The following GPD1L variants were observed in gnomAD, a reference collection of about 807,000 sequenced individuals.
GPD1L encodes glycerol-3-phosphate dehydrogenase 1 like, also known as glycerol-3-phosphate dehydrogenase 1-like protein.
Under a neutral mutation model 32.9 loss-of-function variants are expected in GPD1L, and 17 were observed. The ratio of observed to expected loss-of-function variants is 0.52; its 90% CI spans 0.35 to 0.78. GPD1L has a LOEUF of 0.78. Among genes scored for constraint, GPD1L ranks in the 30% least tolerant of loss-of-function variants. GPD1L has a pLI of 0.01. For synonymous variants in GPD1L, 187 were observed against 165.9 expected, an observed-to-expected ratio of 1.13 and a Z score of -0.98; for missense variants, 361 against 447.8, an observed-to-expected ratio of 0.81 and a Z score of 1.75.
chr3:32,165,564 C>A (rs1038202779), intron 7 of GPD1L, among the ~76,000 whole-genome samples: 2 of 152,174 alleles, frequency 1.3e-5, no homozygotes, highest in Admixed American at 6.5e-5. Context: ...GTAGGATCAC[C>A]GTGTGACTTG....
chr3:32,145,931 C>A (rs956037705), intron 4 of GPD1L, among the ~76,000 whole-genome samples: 1 of 152,100 alleles, frequency 6.6e-6, no homozygotes, highest in Non-Finnish European at 1.5e-5. Context: ...ACGAACCTCA[C>A]ATGCCCGTCA....
At chr3:32,120,044 G>A (rs1356300145) in intron 1 of GPD1L, among the ~76,000 whole-genome samples, 1 of 151,800 alleles carries the variant, frequency 6.6e-6, no homozygotes, top group Non-Finnish European at 1.5e-5. Flanking sequence ...GAGCCTGCCG[G>A]CCGGACACAG....
intron 4 of GPD1L, among the ~76,000 whole-genome samples, chr3:32,143,153 C>T (rs912936090): frequency 1.3e-5 from 2 of 151,646 alleles, no homozygotes; most frequent in African/African-American, 2.4e-5. Context: ...GCTATGATCA[C>T]GTCATTGCAC....
intron 2 of GPD1L, among the ~76,000 whole-genome samples, chr3:32,130,591 C>T (rs905443620): frequency 8.5e-5 from 13 of 152,184 alleles, no homozygotes; most frequent in African/African-American, 3.1e-4. Context: ...GTTACAGTGA[C>T]TTCACCATGT....
intron 2 of GPD1L, among the ~76,000 whole-genome samples, chr3:32,132,407 A>T (rs1700598466): frequency 6.6e-6 from 1 of 152,222 alleles, no homozygotes. Flanking sequence ...GTGGTATCAC[A>T]TGGGAAATAA....
chr3:32,133,178 G>A (rs972519524), intron 2 of GPD1L, among the ~76,000 whole-genome samples: 4 of 152,156 alleles, frequency 2.6e-5, no homozygotes, highest in African/African-American at 7.2e-5. Context: ...GTGCAGCCAC[G>A]GCAGCTGGAC....
chr3:32,108,323 C>T (rs1423800763), intron 1 of GPD1L, among the ~76,000 whole-genome samples: 5 of 152,116 alleles, frequency 3.3e-5, no homozygotes, highest in Non-Finnish European at 5.9e-5. Context: ...ATTGAGACCA[C>T]GGTGAAACCC....
chr3:32,151,269 GCTTAATATGCTCCATACAC>G, intron 5 of GPD1L: 1 of 588,212 alleles, frequency 1.7e-6, no homozygotes, highest in Admixed American at 2.2e-5. Flanking sequence ...TCAGCTCTTA[GCTTAATATGCTCCATACAC>G]CCATTAATTC....
intron 5 of GPD1L, among the ~76,000 whole-genome samples, chr3:32,154,467 T>C (rs531522421): frequency 6.6e-6 from 1 of 152,180 alleles, no homozygotes; most frequent in Non-Finnish European, 1.5e-5. Flanking sequence ...AAATCTTTCC[T>C]GTTGGGTGAG....
At chr3:32,150,507 T>C (rs993251040) in intron 5 of GPD1L, among the ~76,000 whole-genome samples, 1 of 151,686 alleles carries the variant, frequency 6.6e-6, no homozygotes, top group African/African-American at 2.4e-5. Flanking sequence ...ACTTTTTTTT[T>C]TTTTTGAGAC....
At chr3:32,118,322 A>G (rs1700358855) in intron 1 of GPD1L, among the ~76,000 whole-genome samples, 1 of 152,246 alleles carries the variant, frequency 6.6e-6, no homozygotes, top group Non-Finnish European at 1.5e-5. Flanking sequence ...GGATGTATTC[A>G]TGCAACAAAT....
intron 1 of GPD1L, among the ~76,000 whole-genome samples, chr3:32,127,254 C>G (rs945973970): frequency 6.6e-6 from 1 of 152,146 alleles, no homozygotes; most frequent in Non-Finnish European, 1.5e-5. Flanking sequence ...GCTCCTCACG[C>G]CAGGAAGGTC....
intron 1 of GPD1L, among the ~76,000 whole-genome samples, chr3:32,117,508 GA>G (rs1559569186): frequency 2.0e-5 from 3 of 152,114 alleles, no homozygotes; most frequent in African/African-American, 7.2e-5. Flanking sequence ...GACTCTGGTG[GA>G]TGTTTGGAAA....
chr3:32,127,741 C>T (rs1434003450), intron 1 of GPD1L, among the ~76,000 whole-genome samples: 1 of 152,184 alleles, frequency 6.6e-6, no homozygotes, highest in East Asian at 1.9e-4. Context: ...TCTCAATATC[C>T]TTTCAAGACC....
In GPD1L at chr3:32,115,758, C is replaced by CTTTTTTTTTTTTTTTT. The variant is rs539068850; in HGVS notation, c.47+9033_47+9048dup. Among the ~76,000 whole-genome samples, 47 of 45,086 alleles carry CTTTTTTTTTTTTTTTT rather than the reference C, an allele frequency of 1.0e-3. 20 individuals are homozygous for CTTTTTTTTTTTTTTTT. The highest frequency in any genetic ancestry group is 1.5e-3 in the Non-Finnish European group (30 of 20,538). 29.6% of individuals were successfully genotyped at this position (45,086 alleles called of 152,430 possible). A position where few individuals can be genotyped will look rare whatever the true frequency, so the allele number is the denominator to read the frequency against. Reference sequence around the variant, plus strand: ...CTAAACCCTTTTCGTGTACGTTGAACTTTTTTTTTTTTTTTTTTTTTTTTT... The same window carrying CTTTTTTTTTTTTTTTT: ...CTAAACCCTTTTCGTGTACGTTGAACTTTTTTTTTTTTTTTTTTTTTTTTTTTTTTTTTTTTTTTTT... On this transcript the variant is annotated intron_variant, in intron 1 of 7. Transcript: ENST00000282541.
rs963868693 is a variant in GPD1L, at chr3:32,168,609, A to C, written c.*2699A>C. ...AACTTTAGTTTTTCCACTGGTTCTTATCTGCTAGCCTTTTACATACATGTG... is the reference window on the plus strand; with the variant it reads ...AACTTTAGTTTTTCCACTGGTTCTTCTCTGCTAGCCTTTTACATACATGTG... On this transcript the variant is annotated 3_prime_UTR_variant, in exon 8 of 8. Coordinates refer to ENST00000282541, the MANE Select transcript of GPD1L (RefSeq NM_015141.4). 6.6e-6 allele frequency: 1 copy of C among 152,634 alleles called. No individual in the cohort carries two copies. Among genetic ancestry groups the C allele is most frequent in the Admixed American group, 6.5e-5 (1 of 15,282 alleles). 9.5% of individuals were successfully genotyped at this position (152,634 alleles called of 1,614,324 possible). A position where few individuals can be genotyped will look rare whatever the true frequency, so the allele number is the denominator to read the frequency against.
At chr3:32,115,843 C>T (rs1157364421) in intron 1 of GPD1L, among the ~76,000 whole-genome samples, 5 of 123,860 alleles carry the variant, frequency 4.0e-5, no homozygotes, top group Non-Finnish European at 8.0e-5. Context: ...GGTTGGAGTG[C>T]AGTGGCACGA....
Position 32,106,667 on chromosome 3 carries a change from G to A in GPD1L, c.-45G>A. On this transcript the variant is annotated 5_prime_UTR_variant, in exon 1 of 8. Transcript: ENST00000282541. The surrounding 1 kb of genome is among the most constrained non-coding windows in gnomAD (Gnocchi z 4.0). ...AAGGCTGAACAGGCGGAGGTGGGCAGCCGGCCAGGGAAGCACGGTCCAGGC... is the reference window on the plus strand; with the variant it reads ...AAGGCTGAACAGGCGGAGGTGGGCAACCGGCCAGGGAAGCACGGTCCAGGC... 6.7e-7 allele frequency: 1 copy of A among 1,483,978 alleles called. No homozygotes were observed. 91.9% of individuals were successfully genotyped at this position (1,483,978 alleles called of 1,614,324 possible). A position where few individuals can be genotyped will look rare whatever the true frequency, so the allele number is the denominator to read the frequency against.
intron 3 of GPD1L, among the ~76,000 whole-genome samples, 154 bp downstream of exon 3, chr3:32,138,881 TAAG>T (rs768277076): frequency 1.3e-5 from 2 of 151,964 alleles, no homozygotes; most frequent in Non-Finnish European, 2.9e-5. Flanking sequence ...ATAAAAAAAA[TAAG>T]ACTAGTTTAG....
Sources: allele counts gnomAD v4.1 joint callset (sites outside exome capture counted in the v4.1 genomes callset), GRCh38; gene constraint gnomAD v4.1.1; non-coding constraint Gnocchi (gnomAD v3.1); transcripts MANE v1.5; gene names NCBI Gene and HGNC (gene_info 2026-07-23, HGNC 2026-07-21).